Variants in RBM26 observed in about 807,000 individuals in gnomAD.
RBM26 encodes the protein RNA binding motif protein 26.
Under a neutral mutation model 123.6 loss-of-function variants are expected in RBM26, and 30 were observed. The observed-to-expected ratio is 0.24, with a 90% CI of 0.18 to 0.33. The LOEUF is 0.33. Ranked by LOEUF, RBM26 falls within the 10% of genes least tolerant of loss-of-function variation. RBM26 has a pLI of 1.00. For synonymous variants in RBM26, 400 were observed against 404.4 expected, an observed-to-expected ratio of 0.99 and a Z score of 0.13; for missense variants, 947 against 1,203.6, an observed-to-expected ratio of 0.79 and a Z score of 3.15.
rs375738133 is a variant in RBM26, at chr13:79,405,479, C to T, written c.71+225G>A. 2.6e-3 allele frequency among the ~76,000 whole-genome samples: 400 copies of T among 151,548 alleles called. 7 individuals are homozygous for T. The South Asian group carries it at 0.036, about 14-fold the overall frequency. ...GGGGTTGGAGACGGTCTATATATAA[C>T]GGGAAAACGAGAGCAGCTCAGCAAT... On this transcript the variant is annotated intron_variant, in intron 1 of 21. Transcript: ENST00000438737.
chr13:79,404,982 G>T (rs532855167), intron 1 of RBM26, among the ~76,000 whole-genome samples: 35 of 152,156 alleles, frequency 2.3e-4, no homozygotes, highest in African/African-American at 7.7e-4. Flanking sequence ...AAGCACTTTG[G>T]TCCATGTCAT....
chr13:79,330,177 T>C (rs1027179536), intron 20 of RBM26, among the ~76,000 whole-genome samples: 1 of 152,226 alleles, frequency 6.6e-6, no homozygotes, highest in Non-Finnish European at 1.5e-5. Flanking sequence ...AAATAGTTTA[T>C]TCAGAGGCTT....
chr13:79,372,121 A>G (rs1243720484), intron 3 of RBM26, among the ~76,000 whole-genome samples, 191 bp from the exon 4 acceptor site: 1 of 151,990 alleles, frequency 6.6e-6, no homozygotes, highest in Non-Finnish European at 1.5e-5. Flanking sequence ...TCTACTAAAA[A>G]TACAAAGATT....
At chr13:79,339,965 G>A (rs1011085717) in intron 18 of RBM26, among the ~76,000 whole-genome samples, 3 of 152,074 alleles carry the variant, frequency 2.0e-5, no homozygotes, top group Non-Finnish European at 4.4e-5. Flanking sequence ...ATGTCATTCA[G>A]TGTTTAGCTA....
intron 3 of RBM26, among the ~76,000 whole-genome samples, chr13:79,373,500 A>T (rs1361800077): frequency 2.1e-3 from 60 of 28,940 alleles, no homozygotes; most frequent in Non-Finnish European, 3.0e-3. Flanking sequence ...AATATGTATA[A>T]ATATACTTAT....
chr13:79,322,311 G>C, intron 21 of RBM26, 38 bp downstream of exon 21: 1 of 1,304,720 alleles, frequency 7.7e-7, no homozygotes, highest in Non-Finnish European at 1.1e-6. Flanking sequence ...AGCTATGAAC[G>C]ATTAAGGGTA....
chr13:79,348,396 C>T (rs2072674962), intron 14 of RBM26, among the ~76,000 whole-genome samples: 1 of 151,870 alleles, frequency 6.6e-6, no homozygotes, highest in South Asian at 2.1e-4. Context: ...ATAATACCAG[C>T]CACAATAACT....
At chr13:79,312,791 A>G (rs2066929510) in exon 5 of RBM26, 1 of 151,922 alleles carries the variant, frequency 6.6e-6, no homozygotes. Context: ...GACCACTTTT[A>G]TAAGTATGCT....
intron 1 of RBM26, among the ~76,000 whole-genome samples, chr13:79,381,896 TA>T (rs1033928370): frequency 1.3e-5 from 2 of 152,106 alleles, no homozygotes; most frequent in African/African-American, 4.8e-5. Flanking sequence ...TAACATTTGT[TA>T]AAAGTTCAAA....
chr13:79,317,981 T>G (rs1335709103), downstream of RBM26, among the ~76,000 whole-genome samples: 1 of 151,652 alleles, frequency 6.6e-6, no homozygotes, highest in Non-Finnish European at 1.5e-5. Context: ...AAATGATGAA[T>G]AAGACATGGT....
At chr13:79,363,145 T>C (rs1185622728) in intron 9 of RBM26, among the ~76,000 whole-genome samples, 6 of 152,166 alleles carry the variant, frequency 3.9e-5, no homozygotes, top group Non-Finnish European at 2.9e-5. Flanking sequence ...GTAATTTCAA[T>C]GCATCAAAGG....
chr13:79,326,469 AG>A (rs941707445), intron 20 of RBM26, among the ~76,000 whole-genome samples: 1 of 152,112 alleles, frequency 6.6e-6, no homozygotes, highest in East Asian at 1.9e-4. Flanking sequence ...AAAATATGAA[AG>A]GGGGGGAAAT....
rs182131766 is a variant in RBM26 at position 79,379,751 on chromosome 13, T to C, written c.72-844A>G. On this transcript the variant is annotated intron_variant, in intron 1 of 21. Coordinates refer to ENST00000438737, the MANE Select transcript of RBM26 (RefSeq NM_001366735.2). ...GTCAACCAATGAAAAACAAGCTCAG[T>C]TTATCTCATCACAAAAAGGCTAATT... 1.4e-3 allele frequency among the ~76,000 whole-genome samples: 212 copies of C among 147,872 alleles called. 3 individuals are homozygous for C. The South Asian group carries it at 0.018, about 12-fold the overall frequency.
intron 20 of RBM26, among the ~76,000 whole-genome samples, chr13:79,329,395 T>C (rs77391371): frequency 0.045 from 6,778 of 152,064 alleles, 200 homozygotes; most frequent in Middle Eastern, 0.12. Flanking sequence ...AAAGGATTAG[T>C]GATGGTAACA....
chr13:79,345,723 T>C (rs906753331), intron 14 of RBM26, among the ~76,000 whole-genome samples: 4 of 152,170 alleles, frequency 2.6e-5, no homozygotes, highest in African/African-American at 9.7e-5. Context: ...GCTTGTTTTT[T>C]AACTTGGTTC....
chr13:79,386,738 C>T (rs184407310), intron 1 of RBM26, among the ~76,000 whole-genome samples: 22 of 151,776 alleles, frequency 1.4e-4, no homozygotes, highest in Admixed American at 1.3e-3. Context: ...AGGCCACCCC[C>T]ACTCCATTAC....
chr13:79,393,701 C>G (rs984156807), intron 1 of RBM26, among the ~76,000 whole-genome samples: 11 of 152,156 alleles, frequency 7.2e-5, no homozygotes, highest in African/African-American at 2.7e-4. Context: ...CTCTCCTCCC[C>G]CCGTATGACC....
At chr13:79,336,772 G>A (rs1201297760) in intron 19 of RBM26, among the ~76,000 whole-genome samples, 1 of 152,022 alleles carries the variant, frequency 6.6e-6, no homozygotes, top group East Asian at 1.9e-4. Flanking sequence ...AATCTGGATG[G>A]CCCATGCAAT....
chr13:79,348,281 C>A (rs1247463862), intron 14 of RBM26, among the ~76,000 whole-genome samples: 1 of 152,032 alleles, frequency 6.6e-6, no homozygotes, highest in Non-Finnish European at 1.5e-5. Flanking sequence ...TGAAAAGTAT[C>A]ATGTGCTGTG....
Sources: allele counts gnomAD v4.1 joint callset (sites outside exome capture counted in the v4.1 genomes callset), GRCh38; gene constraint gnomAD v4.1.1; transcripts MANE v1.5; gene names NCBI Gene and HGNC (gene_info 2026-07-23, HGNC 2026-07-21).